Variants in COX10 observed in about 807,000 individuals in gnomAD.
COX10 encodes the protein cytochrome c oxidase assembly factor heme A:farnesyltransferase COX10.
In COX10, 27 loss-of-function variants were observed where a neutral mutation model predicts 37.3. That is an observed-to-expected ratio of 0.72 (90% CI 0.53 to 1.00). COX10 has a LOEUF of 1.00. Among genes scored for constraint, COX10 ranks in the 50% least tolerant of loss-of-function variants. COX10 has a pLI of 0.00. For missense variants in COX10, 475 were observed against 563.2 expected, an observed-to-expected ratio of 0.84 and a Z score of 1.59; for synonymous variants, 222 against 229.1, an observed-to-expected ratio of 0.97 and a Z score of 0.28.
intron 4 of COX10, among the ~76,000 whole-genome samples, chr17:14,158,774 T>C (rs565163720): frequency 5.3e-5 from 8 of 152,042 alleles, no homozygotes; most frequent in African/African-American, 1.9e-4. Flanking sequence ...TCGTTCTTCC[T>C]GGGAGCATCT....
intron 3 of COX10, among the ~76,000 whole-genome samples, chr17:14,087,685 G>A (rs1483385297): frequency 2.1e-5 from 3 of 140,974 alleles, no homozygotes; most frequent in South Asian, 4.6e-4. Flanking sequence ...TCTCCGAAAG[G>A]TTTTTTTTTT....
At position 14,191,998 on chromosome 17, in the gene COX10, A is replaced by G; in HGVS notation, c.705A>G (p.Leu235=). 1 of 1,614,114 alleles carries G rather than the reference A, an allele frequency of 6.2e-7. No homozygotes were observed. Among genetic ancestry groups the G allele is most frequent in the Non-Finnish European group, 8.5e-7 (1 of 1,180,004 alleles). The change falls in exon 6 of 7, where the codon CTA becomes CTG. Residue 235 remains leucine, a synonymous_variant. Transcript: ENST00000261643. ...TCTGCTCTTTTTCCAGCCCATTGCTAGCTGTGTCCTTTGCCACTTGTTGTG... is the reference window on the plus strand; with the variant it reads ...TCTGCTCTTTTTCCAGCCCATTGCTGGCTGTGTCCTTTGCCACTTGTTGTG... ...PLVRGQISPL[L]AVSFATCCAV...
intron 4 of COX10, among the ~76,000 whole-genome samples, chr17:14,124,729 G>T (rs1032614344): frequency 6.6e-6 from 1 of 152,106 alleles, no homozygotes; most frequent in Admixed American, 6.6e-5. Flanking sequence ...TCAGCTAACC[G>T]TGCTTTCCTC....
chr17:14,200,210 G>T (rs2142268522), intron 6 of COX10, among the ~76,000 whole-genome samples: 1 of 152,232 alleles, frequency 6.6e-6, no homozygotes, highest in African/African-American at 2.4e-5. Context: ...GAGGATTTTT[G>T]TCTCCATTCC....
intron 4 of COX10, among the ~76,000 whole-genome samples, chr17:14,129,624 G>A (rs1324512090): frequency 6.6e-6 from 1 of 152,044 alleles, no homozygotes; most frequent in Non-Finnish European, 1.5e-5. Flanking sequence ...TTTCATTAAG[G>A]CCCCTTGAGA....
chr17:14,138,978 C>T (rs951390693), intron 4 of COX10, among the ~76,000 whole-genome samples: 1 of 152,158 alleles, frequency 6.6e-6, no homozygotes, highest in South Asian at 2.1e-4. Flanking sequence ...AGTACGACCT[C>T]GATCATTTAC....
chr17:14,069,546 A>C lies in COX10; in HGVS notation c.-60A>C. On this transcript the variant is annotated 5_prime_UTR_variant, in exon 1 of 7. Coordinates refer to ENST00000261643, the MANE Select transcript of COX10 (RefSeq NM_001303.4). ...GCGGGGAAGGAAGATGGCGGCGCCC[A>C]GCGTCCCGTGAGGAGAGAGGACACA... is the stretch of plus-strand genomic sequence containing the variant. 6.3e-7 allele frequency: 1 copy of C among 1,599,452 alleles called. No homozygotes were observed. The highest frequency in any genetic ancestry group is 2.2e-5 in the East Asian group (1 of 44,708).
At position 14,102,319 on chromosome 17, in the gene COX10, C is replaced by T. The variant is rs188420705; in HGVS notation, c.624+77C>T. 7 of 1,543,858 alleles carry T rather than the reference C, an allele frequency of 4.5e-6. No homozygotes were observed. In the East Asian group the frequency reaches 1.6e-4, roughly 36 times the overall value. Reference sequence around the variant, plus strand: ...GGCTGTATTGTCATATTTTTAAATACCTTCCAAACTCATATATTGATGGAG... The same window carrying T: ...GGCTGTATTGTCATATTTTTAAATATCTTCCAAACTCATATATTGATGGAG... On this transcript the variant is annotated intron_variant, in intron 4 of 6. Coordinates refer to ENST00000261643, the MANE Select transcript of COX10 (RefSeq NM_001303.4).
chr17:14,148,968 TA>T (rs1482098271), intron 4 of COX10, among the ~76,000 whole-genome samples: 1 of 148,294 alleles, frequency 6.7e-6, no homozygotes, highest in Admixed American at 6.8e-5. Context: ...TATAACGTTA[TA>T]TTTTATAATA....
intron 5 of COX10, among the ~76,000 whole-genome samples, chr17:14,183,628 A>T (rs1291500896): frequency 6.6e-6 from 1 of 152,304 alleles, no homozygotes; most frequent in Non-Finnish European, 1.5e-5. Flanking sequence ...TAATAAAATT[A>T]AATTGTAAGT....
intron 4 of COX10, among the ~76,000 whole-genome samples, chr17:14,111,626 G>A (rs996866373): frequency 2.6e-5 from 4 of 152,144 alleles, no homozygotes; most frequent in African/African-American, 9.6e-5. Flanking sequence ...TTGATTTCAA[G>A]AAAGAAATAA....
At chr17:14,147,316 A>T (rs552455737) in intron 4 of COX10, among the ~76,000 whole-genome samples, 3 of 152,218 alleles carry the variant, frequency 2.0e-5, no homozygotes. Flanking sequence ...CTATTCCACC[A>T]TTAAAAAGGA....
chr17:14,088,441 GA>G (rs34991846), intron 3 of COX10, among the ~76,000 whole-genome samples: 24,857 of 148,208 alleles, frequency 0.17, 2,106 homozygotes, highest in Non-Finnish European at 0.19. Context: ...AATTTAGACA[GA>G]AAAAAAAAAA....
At chr17:14,081,357 T>C (rs907340569) in intron 3 of COX10, among the ~76,000 whole-genome samples, 1 of 151,884 alleles carries the variant, frequency 6.6e-6, no homozygotes, top group African/African-American at 2.4e-5. Flanking sequence ...GAGAGATAGA[T>C]AGAGAGAAAC....
At chr17:14,118,503 AG>A (rs1916162416) in intron 4 of COX10, among the ~76,000 whole-genome samples, 1 of 152,194 alleles carries the variant, frequency 6.6e-6, no homozygotes, top group African/African-American at 2.4e-5. Context: ...ATTTGTATAA[AG>A]TATACATCTT....
rs139579669 is a variant in COX10, at chr17:14,182,176, C to T, written c.696-9813C>T. 2.5e-3 allele frequency: 2,411 copies of T among 967,558 alleles called. 32 individuals carry two copies. The African/African-American group carries it at 0.04, about 16-fold the overall frequency. 59.9% of individuals were successfully genotyped at this position (967,558 alleles called of 1,614,324 possible). On this transcript the variant is annotated intron_variant, in intron 5 of 6. Coordinates refer to ENST00000261643, the MANE Select transcript of COX10 (RefSeq NM_001303.4). ...GAACATCATGATGCATGCCTATAAT[C>T]GCAGCTACTCAGGAGGCTGAGGTGG... is the stretch of plus-strand genomic sequence containing the variant.
chr17:14,124,944 A>G (rs145352784), intron 4 of COX10, among the ~76,000 whole-genome samples: 4 of 152,340 alleles, frequency 2.6e-5, no homozygotes, highest in Admixed American at 2.6e-4. Context: ...ATGTATTTCA[A>G]TCTCGTTATT....
rs11078233 is a variant in COX10 at position 14,207,535 on chromosome 17, T to C, written c.*322T>C. 0.17 allele frequency: 48,245 copies of C among 279,602 alleles called. 4,848 individuals carry two copies. Among genetic ancestry groups the C allele is most frequent in the East Asian group, 0.38 (4,931 of 13,096 alleles). The allele number at this position is 279,602 out of a possible 1,614,324, so 17.3% of individuals were successfully genotyped here. A position where few individuals can be genotyped will look rare whatever the true frequency, so the allele number is the denominator to read the frequency against. ...GGGTACACATACACAGCTTCCTCTT[T>C]TGGTTCCATCCTTACCACCACACCA... On this transcript the variant is annotated 3_prime_UTR_variant, in exon 7 of 7. Coordinates refer to ENST00000261643, the MANE Select transcript of COX10 (RefSeq NM_001303.4).
At chr17:14,116,261 A>G (rs1046619186) in intron 4 of COX10, among the ~76,000 whole-genome samples, 1 of 152,106 alleles carries the variant, frequency 6.6e-6, no homozygotes, top group African/African-American at 2.4e-5. Flanking sequence ...AAAATATTAA[A>G]CGGAAAATTC....
Sources: allele counts gnomAD v4.1 joint callset (sites outside exome capture counted in the v4.1 genomes callset), GRCh38; gene constraint gnomAD v4.1.1; transcripts MANE v1.5; gene names NCBI Gene and HGNC (gene_info 2026-07-23, HGNC 2026-07-21).